The following BACH2 variants were observed in gnomAD, a reference collection of about 807,000 sequenced individuals.
BACH2 encodes the protein BACH transcriptional regulator 2, also known as transcription regulator protein BACH2.
In BACH2, 5 loss-of-function variants were observed where a neutral mutation model predicts 61.8. That is an observed-to-expected ratio of 0.08 (90% CI 0.04 to 0.17). BACH2 has a LOEUF of 0.17. Ranked by LOEUF, BACH2 falls within the 10% of genes least tolerant of loss-of-function variation. The pLI is 1.00. For synonymous variants in BACH2, 446 were observed against 440.1 expected (o/e 1.01, Z -0.17); for missense variants, 824 against 1,091.1 (o/e 0.76, Z 3.45).
At chr6:90,142,912 C>T (rs1327982574) in intron 4 of BACH2, among the ~76,000 whole-genome samples, 1 of 152,122 alleles carries the variant, frequency 6.6e-6, no homozygotes, top group Admixed American at 6.5e-5. Flanking sequence ...TAGAGGCAGG[C>T]TAAGCTAGCC....
In BACH2 at chr6:90,050,059, C is replaced by T. The variant is rs538876458; in HGVS notation, c.-13+38902G>A. Among the ~76,000 whole-genome samples, 183 of 152,280 alleles carry T rather than the reference C, an allele frequency of 1.2e-3. 2 individuals are homozygous for T. Among genetic ancestry groups the T allele is most frequent in the Non-Finnish European group, 2.0e-3 (139 of 68,010 alleles). Reference sequence around the variant, plus strand: ...TAAAATCTAAGCTTTCAAATAAAAACGTGATTTTTGGAAAATGTGTATTTC... The same window carrying T: ...TAAAATCTAAGCTTTCAAATAAAAATGTGATTTTTGGAAAATGTGTATTTC... On this transcript the variant is annotated intron_variant, in intron 5 of 8. Coordinates refer to ENST00000257749, the MANE Select transcript of BACH2 (RefSeq NM_021813.4).
intron 5 of BACH2, among the ~76,000 whole-genome samples, chr6:90,060,143 CAAAG>C (rs1482873075): frequency 3.4e-5 from 5 of 146,916 alleles, no homozygotes; most frequent in African/African-American, 1.3e-4. Flanking sequence ...AAAAAAAAAA[CAAAG>C]AAAACAAACA....
At chr6:90,251,364 T>C (rs1042300418) in intron 3 of BACH2, among the ~76,000 whole-genome samples, 4 of 152,190 alleles carry the variant, frequency 2.6e-5, no homozygotes, top group African/African-American at 9.6e-5. Context: ...GGTGTGGCCA[T>C]AGACGCGGAT....
chr6:89,956,249 T>A (rs1774418902), intron 6 of BACH2, among the ~76,000 whole-genome samples: 1 of 152,184 alleles, frequency 6.6e-6, no homozygotes, highest in Admixed American at 6.5e-5. Flanking sequence ...CTGATACAGA[T>A]GAGATGGGAT....
chr6:90,049,357 A>C (rs1562399770), intron 5 of BACH2, among the ~76,000 whole-genome samples: 1 of 152,210 alleles, frequency 6.6e-6, no homozygotes, highest in Non-Finnish European at 1.5e-5. Flanking sequence ...TCACTGGGTG[A>C]CTACGGATGA....
At chr6:90,023,719 C>G (rs890486441) in intron 5 of BACH2, among the ~76,000 whole-genome samples, 2 of 152,084 alleles carry the variant, frequency 1.3e-5, no homozygotes, top group Non-Finnish European at 2.9e-5. Context: ...AGAGCCCTCA[C>G]GAATGGGATT....
intron 6 of BACH2, among the ~76,000 whole-genome samples, chr6:89,994,738 C>T (rs1250943591): frequency 6.6e-6 from 1 of 152,304 alleles, no homozygotes; most frequent in Non-Finnish European, 1.5e-5. Context: ...TCCTGATCTT[C>T]CTTCCCTTTC....
intron 4 of BACH2, among the ~76,000 whole-genome samples, chr6:90,115,864 A>G (rs929964231): frequency 6.6e-6 from 1 of 152,212 alleles, no homozygotes; most frequent in East Asian, 1.9e-4. Context: ...GGCAAAGGAC[A>G]CGAACAAACA....
chr6:89,943,638 C>T (rs756219038), intron 7 of BACH2, among the ~76,000 whole-genome samples: 3 of 152,164 alleles, frequency 2.0e-5, no homozygotes, highest in African/African-American at 4.8e-5. Flanking sequence ...ACAAACATTT[C>T]GCTTGCCTAG....
At chr6:90,129,868 G>C (rs537791653) in intron 4 of BACH2, among the ~76,000 whole-genome samples, 1 of 146,668 alleles carries the variant, frequency 6.8e-6, no homozygotes, top group African/African-American at 2.6e-5. Flanking sequence ...TTTTTTTTTT[G>C]TTGTTGTTGT....
chr6:89,937,208 G>T (rs1773078405), intron 8 of BACH2, among the ~76,000 whole-genome samples: 1 of 152,056 alleles, frequency 6.6e-6, no homozygotes, highest in African/African-American at 2.4e-5. Flanking sequence ...AAGGACCCTG[G>T]GCCTGCAAAG....
chr6:89,997,779 C>T (rs772174201), intron 6 of BACH2, among the ~76,000 whole-genome samples: 1 of 152,150 alleles, frequency 6.6e-6, no homozygotes, highest in Non-Finnish European at 1.5e-5. Flanking sequence ...CCATATAAAC[C>T]TTCCATTTGA....
chr6:90,039,613 T>C (rs549450117), intron 5 of BACH2, among the ~76,000 whole-genome samples: 160 of 152,330 alleles, frequency 1.1e-3, no homozygotes, highest in Non-Finnish European at 1.7e-3. Context: ...CTCTATCTCC[T>C]GACCTCGTGA....
intron 7 of BACH2, among the ~76,000 whole-genome samples, chr6:89,949,939 GGAGGGGGA>G (rs1773974110): frequency 6.6e-6 from 1 of 152,056 alleles, no homozygotes; most frequent in Non-Finnish European, 1.5e-5. Flanking sequence ...AGCAGGTGTA[GGAGGGGGA>G]GAGAGGGAGG....
At chr6:90,281,264 A>G (rs1356515317) in intron 1 of BACH2, among the ~76,000 whole-genome samples, 1 of 152,240 alleles carries the variant, frequency 6.6e-6, no homozygotes, top group Non-Finnish European at 1.5e-5. Context: ...GTGCACTTGA[A>G]CAATTATTTT....
intron 2 of BACH2, among the ~76,000 whole-genome samples, chr6:90,256,282 T>G (rs1010520718): frequency 6.6e-6 from 1 of 152,192 alleles, no homozygotes; most frequent in African/African-American, 2.4e-5. Flanking sequence ...TGGTGACATG[T>G]GATTGAGTTC....
chr6:90,031,055 C>A (rs1268110576), intron 5 of BACH2, among the ~76,000 whole-genome samples: 29 of 150,092 alleles, frequency 1.9e-4, no homozygotes, highest in Non-Finnish European at 3.2e-4. Flanking sequence ...TCAACATACG[C>A]AAATCAATAA....
At chr6:89,937,958 CACAA>C (rs150212979) in intron 8 of BACH2, among the ~76,000 whole-genome samples, 182 bp downstream of exon 8, 9,066 of 152,238 alleles carry the variant, frequency 0.06, 332 homozygotes, top group Non-Finnish European at 0.086. Flanking sequence ...CGTGCAGACA[CACAA>C]ACACACACAC....
chr6:89,953,379 A>G (rs1774241420), intron 6 of BACH2, among the ~76,000 whole-genome samples: 1 of 152,206 alleles, frequency 6.6e-6, no homozygotes, highest in Non-Finnish European at 1.5e-5. Context: ...CATGTAACTG[A>G]ACGGGATTTT....
Sources: gnomAD v4.1 joint callset for allele counts (sites outside exome capture counted in the v4.1 genomes callset) on GRCh38, gnomAD v4.1.1 for gene constraint, MANE v1.5 for transcripts, NCBI Gene and HGNC (gene_info 2026-07-23, HGNC 2026-07-21) for gene names.